Variants in CSMD2 observed in about 807,000 individuals in gnomAD.
CSMD2 encodes CUB and Sushi multiple domains 2.
A neutral mutation model predicts 398.5 loss-of-function variants in CSMD2; 130 were observed. The ratio of observed to expected loss-of-function variants is 0.33; its 90% confidence interval spans 0.28 to 0.38. The LOEUF (loss-of-function observed/expected upper bound fraction) is 0.38. CSMD2 is among the 10% of genes least tolerant of loss of function. The pLI, the probability that CSMD2 is intolerant of heterozygous loss-of-function variation, is 1.00. For synonymous variants in CSMD2, 1,828 were observed against 1,908.5 expected, an observed-to-expected ratio of 0.96 and a Z score of 1.10; for missense variants, 3,829 against 4,764.9, an observed-to-expected ratio of 0.80 and a Z score of 5.78.
At chr1:33,802,443 G>C (rs79605792) in intron 10 of CSMD2, among the ~76,000 whole-genome samples, 1,670 of 152,326 alleles carry the variant, frequency 0.011, 12 homozygotes, top group Middle Eastern at 0.017. Context: ...TCTTGATGTA[G>C]GTTCTTAGCC....
rs1642042789 is a variant in CSMD2, at chr1:33,625,272, A to C, written c.5297-18T>G. ...AGGAACCGCTGTGGGGGACAAGGGC[A>C]CTGAGGGGAGGCCTCACCCCTCAGA... is the stretch of plus-strand genomic sequence containing the variant. On this transcript the variant is annotated intron_variant, in intron 33 of 70. Coordinates refer to ENST00000373381, the MANE Select transcript of CSMD2 (RefSeq NM_001281956.2). 1 of 1,601,918 alleles carries C rather than the reference A, an allele frequency of 6.2e-7. No homozygotes were observed. Among genetic ancestry groups the C allele is most frequent in the Non-Finnish European group, 8.5e-7 (1 of 1,174,980 alleles).
intron 6 of CSMD2, among the ~76,000 whole-genome samples, chr1:33,841,006 C>T (rs1050266058): frequency 5.3e-5 from 8 of 152,196 alleles, no homozygotes; most frequent in African/African-American, 1.9e-4. Context: ...TATAAAAAGC[C>T]TCAACCATCT....
chr1:33,909,718 G>A (rs1024140472), intron 5 of CSMD2, among the ~76,000 whole-genome samples: 6 of 152,150 alleles, frequency 3.9e-5, no homozygotes, highest in African/African-American at 9.7e-5. Context: ...GAAGATGACC[G>A]CTCATGGTCC....
chr1:33,846,975 T>C lies in CSMD2; in HGVS notation c.942A>G (p.Pro314=). Residue 314 remains proline, a synonymous_variant, in exon 6 of 71, where the codon CCA becomes CCG. Transcript: ENST00000373381. ...SSLWFTGASL[P]APVISSKNWL... Reference sequence around the variant, plus strand: ...AGTTCTTGCTGCTGATAACGGGGGCTGGGAGGCTGGCTCCGGTGAACCTGT... The same window carrying C: ...AGTTCTTGCTGCTGATAACGGGGGCCGGGAGGCTGGCTCCGGTGAACCTGT... The C allele has an allele frequency of 6.2e-7, 1 of 1,609,470 alleles. No individual in the cohort carries two copies. The highest frequency in any genetic ancestry group is 8.5e-7 in the Non-Finnish European group (1 of 1,177,720).
At chr1:34,097,973 T>C (rs1351540678) in intron 1 of CSMD2, among the ~76,000 whole-genome samples, 5 of 133,714 alleles carry the variant, frequency 3.7e-5, no homozygotes, top group African/African-American at 1.2e-4. Context: ...CGTATGTTTA[T>C]TGTGGCATTA....
In CSMD2 at chr1:33,693,030, C is replaced by T. The variant is rs759121658; in HGVS notation, c.3952G>A (p.Glu1318Lys). The change falls in exon 25 of 71, where the codon GAG becomes AAG. Residue 1318 changes from glutamate to lysine, a missense_variant. By Grantham distance (56) the Glu-to-Lys change is moderately conservative. Around this residue, in one of 5 missense-constraint regions of CSMD2, gnomAD observed 2,001 missense variants for 2,567.1 expected, o/e 0.78. Coordinates refer to ENST00000373381, the MANE Select transcript of CSMD2 (RefSeq NM_001281956.2). ...VAECGGTVRG[E>K]VSGQVLSPGY... ...GGTGACAGCACCTGCCCCGACACCT[C>T]TCCTCTCACTGTCCCTCCACACTCG... 5.0e-6 allele frequency: 8 copies of T among 1,601,810 alleles called. No individual in the cohort carries two copies. The East Asian group carries it at 1.8e-4, about 37-fold the overall frequency.
intron 3 of CSMD2, among the ~76,000 whole-genome samples, chr1:34,004,457 GTT>G (rs34932774): frequency 6.6e-6 from 1 of 151,590 alleles, no homozygotes; most frequent in Non-Finnish European, 1.5e-5. Flanking sequence ...AGTAATCAAG[GTT>G]TTTTTTTGTT....
At chr1:33,583,613 G>C in intron 47 of CSMD2, 29 bp downstream of exon 47, 1 of 1,605,408 alleles carries the variant, frequency 6.2e-7, no homozygotes, top group Non-Finnish European at 8.5e-7. Flanking sequence ...TTCTGCAGCA[G>C]AGAACTGTGA....
chr1:33,664,590 G>A (rs971347406), intron 25 of CSMD2, among the ~76,000 whole-genome samples: 1 of 152,008 alleles, frequency 6.6e-6, no homozygotes, highest in Non-Finnish European at 1.5e-5. Context: ...TCAGGATCAC[G>A]AGGTCAGGAG....
At chr1:33,666,481 A>G (rs1036394494) in intron 25 of CSMD2, among the ~76,000 whole-genome samples, 3 of 151,870 alleles carry the variant, frequency 2.0e-5, no homozygotes, top group Admixed American at 6.6e-5. Flanking sequence ...TTTTGGTTCT[A>G]TTGTGAATGA....
In CSMD2 at chr1:34,147,537, G is replaced by A. The variant is rs373879736; in HGVS notation, c.187+17374C>T. On this transcript the variant is annotated intron_variant, in intron 1 of 70. Transcript: ENST00000373381. Reference sequence around the variant, plus strand: ...GCTGGAGCACCTCCCCCGGAGTGAGGAGGGTGTAAGCCAGGTAACAGGTGC... The same window carrying A: ...GCTGGAGCACCTCCCCCGGAGTGAGAAGGGTGTAAGCCAGGTAACAGGTGC... Among the ~76,000 whole-genome samples the A allele has an allele frequency of 1.5e-3, 230 of 152,214 alleles. 1 individual carries two copies. Among genetic ancestry groups the A allele is most frequent in the African/African-American group, 5.3e-3 (221 of 41,540 alleles).
chr1:33,616,876 G>A (rs1421207080), intron 39 of CSMD2, 30 bp downstream of exon 39: 2 of 1,583,572 alleles, frequency 1.3e-6, no homozygotes, highest in Non-Finnish European at 1.7e-6. Flanking sequence ...AAATTGGTTG[G>A]AATGAATTGT....
intron 1 of CSMD2, among the ~76,000 whole-genome samples, chr1:34,148,829 A>G (rs1008426958): frequency 3.3e-5 from 5 of 152,110 alleles, no homozygotes; most frequent in African/African-American, 1.2e-4. Context: ...TGCTTCTCAG[A>G]CTCTCACAGG....
intron 6 of CSMD2, among the ~76,000 whole-genome samples, chr1:33,834,496 C>T (rs1174193349): frequency 1.8e-5 from 1 of 55,328 alleles, no homozygotes; most frequent in Non-Finnish European, 2.8e-5. Flanking sequence ...ATACAAAAAT[C>T]AATCCAAGAT....
chr1:33,721,317 C>G (rs1646351667), intron 19 of CSMD2, among the ~76,000 whole-genome samples: 1 of 152,238 alleles, frequency 6.6e-6, no homozygotes, highest in Non-Finnish European at 1.5e-5. Context: ...AAGGCAGGCA[C>G]TGGCAGAGTG....
chr1:34,065,940 C>T (rs1438721490), intron 2 of CSMD2, among the ~76,000 whole-genome samples: 1 of 152,180 alleles, frequency 6.6e-6, no homozygotes, highest in African/African-American at 2.4e-5. Flanking sequence ...TATCTCCACC[C>T]TGCCCAATTA....
chr1:33,980,922 G>A (rs12034181), intron 3 of CSMD2, among the ~76,000 whole-genome samples: 1 of 152,168 alleles, frequency 6.6e-6, no homozygotes, highest in Non-Finnish European at 1.5e-5. Context: ...GCAAAGGTCA[G>A]GTAGTGGGAG....
chr1:34,047,295 G>T (rs114183752), intron 2 of CSMD2, among the ~76,000 whole-genome samples: 2,623 of 152,156 alleles, frequency 0.017, 58 homozygotes, highest in African/African-American at 0.058. Flanking sequence ...TCTTCTCTCA[G>T]TTTCCTCCAG....
chr1:33,912,413 C>A (rs1019096181), intron 5 of CSMD2, among the ~76,000 whole-genome samples: 3 of 80,244 alleles, frequency 3.7e-5, no homozygotes, highest in Non-Finnish European at 7.1e-5. Flanking sequence ...CATCATACAC[C>A]CCCCCACACA....
Sources: gnomAD v4.1 joint callset for allele counts (sites outside exome capture counted in the v4.1 genomes callset) on GRCh38, gnomAD v4.1.1 for gene constraint, gnomAD v4.1.1 regional missense constraint, MANE v1.5 for transcripts, NCBI Gene and HGNC (gene_info 2026-07-23, HGNC 2026-07-21) for gene names.